The following ARHGAP15 variants were observed in gnomAD, a reference collection of about 807,000 sequenced individuals.
ARHGAP15 encodes rho GTPase-activating protein 15.
Under a neutral mutation model 63.7 loss-of-function variants are expected in ARHGAP15, and 51 were observed. That is an observed-to-expected ratio of 0.80 (90% CI 0.64 to 1.01). The LOEUF is 1.01. Among genes scored for constraint, ARHGAP15 ranks in the 50% least tolerant of loss-of-function variants. The pLI, the probability that ARHGAP15 is intolerant of heterozygous loss-of-function variation, is 0.00. For missense variants in ARHGAP15, 560 were observed against 564.6 expected (o/e 0.99, Z 0.08); for synonymous variants, 191 against 193.8 (o/e 0.99, Z 0.12).
intron 9 of ARHGAP15, among the ~76,000 whole-genome samples, chr2:143,518,196 C>G (rs1324441739): frequency 6.6e-6 from 1 of 152,080 alleles, no homozygotes; most frequent in African/African-American, 2.4e-5. Context: ...TGTTTTACCA[C>G]AATTATAAAA....
At chr2:143,374,925 A>T (rs1686735599) in intron 6 of ARHGAP15, among the ~76,000 whole-genome samples, 1 of 152,238 alleles carries the variant, frequency 6.6e-6, no homozygotes, top group African/African-American at 2.4e-5. Flanking sequence ...CATGTGTGCC[A>T]AAATGATTGA....
intron 1 of ARHGAP15, among the ~76,000 whole-genome samples, chr2:143,150,995 A>G (rs1689791134): frequency 1.3e-5 from 2 of 152,096 alleles, no homozygotes; most frequent in Admixed American, 6.5e-5. Context: ...ATTGAAGGTC[A>G]GTGAGGAATG....
chr2:143,598,403 T>TTAA (rs1471877032), intron 11 of ARHGAP15, among the ~76,000 whole-genome samples: 17 of 152,172 alleles, frequency 1.1e-4, no homozygotes, highest in African/African-American at 3.9e-4. Flanking sequence ...TTCAGTTGTA[T>TTAA]TAAGTGAAAT....
chr2:143,381,853 A>T (rs10928172), intron 6 of ARHGAP15, among the ~76,000 whole-genome samples: 94,355 of 151,644 alleles, frequency 0.62, 29,961 homozygotes, highest in African/African-American at 0.74. Flanking sequence ...TAGATTTTTT[A>T]AAAAAAGCAT....
intron 12 of ARHGAP15, among the ~76,000 whole-genome samples, chr2:143,700,501 T>TTG (rs751711132): frequency 2.4e-4 from 36 of 152,246 alleles, no homozygotes; most frequent in Non-Finnish European, 3.4e-4. Context: ...GATTATTACT[T>TTG]TAGTCAGAGA....
intron 5 of ARHGAP15, among the ~76,000 whole-genome samples, chr2:143,230,095 C>T (rs1450369537): frequency 1.3e-5 from 2 of 152,140 alleles, no homozygotes; most frequent in African/African-American, 4.8e-5. Flanking sequence ...CTACCATCCA[C>T]TTGCAGGTCC....
At chr2:143,182,126 C>T (rs1188562955) in intron 2 of ARHGAP15, among the ~76,000 whole-genome samples, 1 of 151,798 alleles carries the variant, frequency 6.6e-6, no homozygotes, top group East Asian at 1.9e-4. Context: ...ACCATGCCCA[C>T]CTAATTTTTG....
intron 6 of ARHGAP15, among the ~76,000 whole-genome samples, chr2:143,417,973 T>C (rs1210290462): frequency 6.6e-6 from 1 of 152,232 alleles, no homozygotes; most frequent in Non-Finnish European, 1.5e-5. Flanking sequence ...CAACTGCTGA[T>C]GGAGTAGGGT....
chr2:143,649,477 G>A lies in ARHGAP15; in HGVS notation c.1138+25210G>A, dbSNP rs986111281. On this transcript the variant is annotated intron_variant, in intron 12 of 13. Coordinates refer to ENST00000295095, the MANE Select transcript of ARHGAP15 (RefSeq NM_018460.4). ...TTTTTTTTAGTTGGGAGTTTATAACGCAAATGTAAAGATTTGCTATGGGCT... is the reference window on the plus strand; with the variant it reads ...TTTTTTTTAGTTGGGAGTTTATAACACAAATGTAAAGATTTGCTATGGGCT... Among the ~76,000 whole-genome samples, 4 of 151,830 alleles carry A rather than the reference G, an allele frequency of 2.6e-5. No homozygotes were observed. The South Asian group carries it at 8.3e-4, about 31-fold the overall frequency.
intron 2 of ARHGAP15, among the ~76,000 whole-genome samples, chr2:143,156,406 C>T (rs1353880537): frequency 6.6e-6 from 1 of 151,772 alleles, no homozygotes; most frequent in Non-Finnish European, 1.5e-5. Context: ...TTTTGGACCC[C>T]AGATCTATTT....
intron 10 of ARHGAP15, among the ~76,000 whole-genome samples, chr2:143,555,501 T>G (rs544534613): frequency 6.6e-6 from 1 of 152,158 alleles, no homozygotes; most frequent in Non-Finnish European, 1.5e-5. Context: ...GATACTATTA[T>G]AGTGTTTGAC....
intron 12 of ARHGAP15, chr2:143,656,297 G>A (rs1681430801): frequency 6.6e-6 from 1 of 152,168 alleles, no homozygotes; most frequent in African/African-American, 2.4e-5. Context: ...CAACCTATCA[G>A]AGCTAACTAT....
chr2:143,417,514 C>A (rs1688741402), intron 6 of ARHGAP15, among the ~76,000 whole-genome samples: 1 of 152,104 alleles, frequency 6.6e-6, no homozygotes, highest in South Asian at 2.1e-4. Context: ...GGTACTTTGC[C>A]ACAGGGTTTT....
At chr2:143,660,091 A>G (rs1681675240) in intron 12 of ARHGAP15, among the ~76,000 whole-genome samples, 1 of 152,206 alleles carries the variant, frequency 6.6e-6, no homozygotes, top group Non-Finnish European at 1.5e-5. Context: ...TGTGACAAGA[A>G]TAATTGCAAA....
chr2:143,434,417 A>C (rs1689519443), intron 6 of ARHGAP15, among the ~76,000 whole-genome samples: 1 of 152,078 alleles, frequency 6.6e-6, no homozygotes, highest in Non-Finnish European at 1.5e-5. Flanking sequence ...AAAACCCCAA[A>C]ATCATTGTCA....
chr2:143,249,124 T>C (rs1680003122), intron 5 of ARHGAP15, among the ~76,000 whole-genome samples: 1 of 152,140 alleles, frequency 6.6e-6, no homozygotes, highest in Admixed American at 6.5e-5. Flanking sequence ...ATAAAAACTT[T>C]TCACTGATCA....
intron 6 of ARHGAP15, among the ~76,000 whole-genome samples, chr2:143,288,320 TTATG>T (rs1682216305): frequency 6.6e-6 from 1 of 152,098 alleles, no homozygotes; most frequent in African/African-American, 2.4e-5. Flanking sequence ...TGCAGAATGG[TTATG>T]TAGGAGAAAT....
intron 13 of ARHGAP15, among the ~76,000 whole-genome samples, chr2:143,733,313 T>C (rs1685620411): frequency 6.6e-6 from 1 of 152,226 alleles, no homozygotes; most frequent in Admixed American, 6.5e-5. Flanking sequence ...CTGAAAAGGA[T>C]GGAGATCTGA....
intron 6 of ARHGAP15, among the ~76,000 whole-genome samples, chr2:143,252,027 C>T (rs1242861187): frequency 6.6e-6 from 1 of 151,912 alleles, no homozygotes; most frequent in Non-Finnish European, 1.5e-5. Context: ...GTGGTAGAGC[C>T]TTATTATGTA....
Sources: allele counts gnomAD v4.1 joint callset (sites outside exome capture counted in the v4.1 genomes callset), GRCh38; gene constraint gnomAD v4.1.1; transcripts MANE v1.5; gene names NCBI Gene and HGNC (gene_info 2026-07-23, HGNC 2026-07-21).